Variants in BLK observed in about 807,000 individuals in gnomAD.
The protein encoded by BLK is BLK proto-oncogene, Src family tyrosine kinase.
In BLK, 64 loss-of-function variants were observed where a neutral mutation model predicts 61.8. The ratio of observed to expected loss-of-function variants is 1.03; its 90% CI spans 0.85 to 1.27. The LOEUF (loss-of-function observed/expected upper bound fraction) is 1.27, where lower values mean the gene tolerates loss of function less well. Ranked by LOEUF, BLK falls within the 50% of genes most tolerant of loss-of-function variation. BLK has a pLI of 0.00. For missense variants in BLK, 853 were observed against 660.5 expected, an observed-to-expected ratio of 1.29 and a Z score of -3.19; for synonymous variants, 351 against 272.0, an observed-to-expected ratio of 1.29 and a Z score of -2.86.
At chr8:11,527,775 T>TAA (rs113320027) in intron 1 of BLK, among the ~76,000 whole-genome samples, 3 of 139,160 alleles carry the variant, frequency 2.2e-5, no homozygotes, top group African/African-American at 7.9e-5. Flanking sequence ...AGTCTGGGTG[T>TAA]AAAAAAAAAA....
chr8:11,555,331 G>A lies in BLK; in HGVS notation c.620-1G>A. On this transcript the variant is annotated splice_acceptor_variant, in intron 7 of 12. Transcript: ENST00000259089. LOFTEE classifies it high-confidence loss of function. The stretch of plus-strand genomic sequence containing the variant: ...GCCCTGTCTTTTCTTCCCTAATGCA[G>A]AGAAGGGGGATGGTCTATGCCAGAG... 1 of 1,614,078 alleles carries A rather than the reference G, an allele frequency of 6.2e-7. No individual in the cohort carries two copies.
chr8:11,502,091 C>G (rs2117246697), intron 1 of BLK, among the ~76,000 whole-genome samples: 1 of 152,252 alleles, frequency 6.6e-6, no homozygotes, highest in South Asian at 2.1e-4. Context: ...CGCAGCAGCA[C>G]AGCACGATAG....
intron 1 of BLK, among the ~76,000 whole-genome samples, chr8:11,510,744 A>T (rs1798967965): frequency 1.3e-5 from 2 of 151,938 alleles, no homozygotes; most frequent in African/African-American, 2.4e-5. Flanking sequence ...GCGCCACTGT[A>T]CTCCAGCCAG....
At chr8:11,521,928 T>C (rs1345716256) in intron 1 of BLK, among the ~76,000 whole-genome samples, 1 of 152,218 alleles carries the variant, frequency 6.6e-6, no homozygotes, top group Admixed American at 6.5e-5. Context: ...ATGCATAAAA[T>C]TTTGAAAACC....
intron 10 of BLK, chr8:11,559,080 C>G (rs142449158): frequency 6.7e-6 from 3 of 446,884 alleles, no homozygotes; most frequent in South Asian, 4.8e-5. Context: ...CCTTCCTTCT[C>G]TCACCCTCCG....
chr8:11,561,182 C>T (rs779241263), intron 10 of BLK, 120 bp from the exon 11 acceptor site: 3 of 1,387,922 alleles, frequency 2.2e-6, no homozygotes, highest in Non-Finnish European at 3.0e-6. Flanking sequence ...CCTTTCTACT[C>T]CATCCAAGAA....
intron 1 of BLK, among the ~76,000 whole-genome samples, chr8:11,525,605 T>C (rs1015922116): frequency 6.6e-6 from 1 of 152,232 alleles, no homozygotes; most frequent in Admixed American, 6.5e-5. Flanking sequence ...GATTTTATTA[T>C]TATACAAGTT....
At chr8:11,506,492 G>A (rs925646617) in intron 1 of BLK, among the ~76,000 whole-genome samples, 1 of 152,192 alleles carries the variant, frequency 6.6e-6, no homozygotes, top group Non-Finnish European at 1.5e-5. Flanking sequence ...TCAGGTGAAT[G>A]ACTGACAGAC....
chr8:11,497,273 C>G (rs1375851006), intron 1 of BLK, among the ~76,000 whole-genome samples: 1 of 152,170 alleles, frequency 6.6e-6, no homozygotes, highest in Non-Finnish European at 1.5e-5. Flanking sequence ...TTTCCTGTCA[C>G]ATCTGCTACC....
At chr8:11,552,451 G>A (rs1375944416) in intron 6 of BLK, 2 of 152,152 alleles carry the variant, frequency 1.3e-5, no homozygotes, top group Non-Finnish European at 1.5e-5. Flanking sequence ...TTTTGTGGCA[G>A]AGCACCTCTG....
At chr8:11,537,379 G>C (rs926732154) in intron 1 of BLK, among the ~76,000 whole-genome samples, 1 of 152,128 alleles carries the variant, frequency 6.6e-6, no homozygotes, top group Admixed American at 6.5e-5. Flanking sequence ...TTTGCCAGTA[G>C]GTACCCCTGT....
chr8:11,554,358 A>G (rs1224380719), intron 6 of BLK, among the ~76,000 whole-genome samples: 3 of 152,146 alleles, frequency 2.0e-5, no homozygotes, highest in African/African-American at 7.2e-5. Flanking sequence ...CTCTTTAGCC[A>G]GAAAATAAAG....
chr8:11,523,503 C>T (rs1301727574), intron 1 of BLK, among the ~76,000 whole-genome samples: 4 of 152,024 alleles, frequency 2.6e-5, no homozygotes, highest in Non-Finnish European at 5.9e-5. Context: ...CAGTGAGCTG[C>T]GATGGCGCCA....
chr8:11,564,502 G>T lies in BLK; in HGVS notation c.*394G>T. ...GACCCCGCCCTGCCCCGCTACAGAAGCCAGACTGGGTCCCGCGGACGCCAG... is the reference window on the plus strand; with the variant it reads ...GACCCCGCCCTGCCCCGCTACAGAATCCAGACTGGGTCCCGCGGACGCCAG... On this transcript the variant is annotated 3_prime_UTR_variant, in exon 13 of 13. Coordinates refer to ENST00000259089, the MANE Select transcript of BLK (RefSeq NM_001715.3). 1 of 504,080 alleles carries T rather than the reference G, an allele frequency of 2.0e-6. No individual in the cohort carries two copies. Among genetic ancestry groups the T allele is most frequent in the Non-Finnish European group, 3.9e-6 (1 of 258,344 alleles). The allele number at this position is 504,080 out of a possible 1,614,324, so 31.2% of individuals were successfully genotyped here. A position where few individuals can be genotyped will look rare whatever the true frequency, so the allele number is the denominator to read the frequency against.
chr8:11,543,427 T>G (rs975238590), intron 2 of BLK, 80 bp downstream of exon 2: 2 of 1,573,946 alleles, frequency 1.3e-6, no homozygotes, highest in African/African-American at 2.7e-5. Flanking sequence ...AAAATGGGTA[T>G]AGCAAAAGTG....
chr8:11,557,301 T>C (rs1801282382), intron 9 of BLK, among the ~76,000 whole-genome samples: 1 of 152,168 alleles, frequency 6.6e-6, no homozygotes, highest in Admixed American at 6.5e-5. Flanking sequence ...GTGGCCAAGT[T>C]CTCATGCCAC....
In BLK at chr8:11,503,094, C is replaced by T. The variant is rs182511297; in HGVS notation, c.-2+8503C>T. Among the ~76,000 whole-genome samples, 9 of 152,216 alleles carry T rather than the reference C, an allele frequency of 5.9e-5. No individual in the cohort carries two copies. The East Asian group carries it at 1.5e-3, about 26-fold the overall frequency. ...TGATACCTGGGATGCTGAGCCAGGACCAGAGGGAGGTAAAGACACACCTGG... is the reference window on the plus strand; with the variant it reads ...TGATACCTGGGATGCTGAGCCAGGATCAGAGGGAGGTAAAGACACACCTGG... On this transcript the variant is annotated intron_variant, in intron 1 of 12. Coordinates refer to ENST00000259089, the MANE Select transcript of BLK (RefSeq NM_001715.3).
chr8:11,526,965 C>T (rs1799680336), intron 1 of BLK, among the ~76,000 whole-genome samples: 1 of 152,164 alleles, frequency 6.6e-6, no homozygotes. Context: ...TATGAAGCCT[C>T]TTTCGTTTTC....
chr8:11,519,574 C>T (rs559821740), intron 1 of BLK, among the ~76,000 whole-genome samples: 1 of 152,320 alleles, frequency 6.6e-6, no homozygotes, highest in East Asian at 1.9e-4. Flanking sequence ...AGTTTATGTA[C>T]AGCATCGTAA....
Sources: gnomAD v4.1 joint callset for allele counts (sites outside exome capture counted in the v4.1 genomes callset) on GRCh38, gnomAD v4.1.1 for gene constraint, MANE v1.5 for transcripts, NCBI Gene and HGNC (gene_info 2026-07-23, HGNC 2026-07-21) for gene names.